The following ALOXE3 variants were observed in gnomAD, a reference collection of about 807,000 sequenced individuals.
ALOXE3 encodes hydroperoxide isomerase ALOXE3.
ALOXE3 carries 78 observed loss-of-function variants against 87.5 expected under a neutral mutation model. That is an observed-to-expected ratio of 0.89 (90% CI 0.74 to 1.08). ALOXE3 has a LOEUF of 1.08. ALOXE3 is among the 50% of genes least tolerant of loss of function. The probability of loss-of-function intolerance (pLI) is 0.00; values close to 1 mark genes in which losing one functional copy is unlikely to be tolerated. For missense variants in ALOXE3, 946 were observed against 912.4 expected (o/e 1.04, Z -0.47); for synonymous variants, 363 against 370.8 (o/e 0.98, Z 0.24).
Position 8,107,907 on chromosome 17 carries a change from A to AAGAAAGAAAG in ALOXE3, c.1684+551_1684+560dup. 2.8e-4 allele frequency among the ~76,000 whole-genome samples: 2 copies of AAGAAAGAAAG among 7,140 alleles called. 1 individual carries two copies. Among genetic ancestry groups the AAGAAAGAAAG allele is most frequent in the East Asian group, 1.3e-3 (2 of 1,522 alleles). 4.7% of individuals were successfully genotyped at this position (7,140 alleles called of 152,430 possible). ...AAAGAAAGAAAGAAAGAAAGAAAGA[A>AAGAAAGAAAG]AGAAAGAAAGAAAGAAAGAAAGAAA... On this transcript the variant is annotated intron_variant, in intron 13 of 15. Coordinates refer to ENST00000448843, the MANE Select transcript of ALOXE3 (RefSeq NM_021628.3).
intron 6 of ALOXE3, 89 bp downstream of exon 6, chr17:8,114,395 G>A: frequency 6.3e-7 from 1 of 1,577,572 alleles, no homozygotes; most frequent in Non-Finnish European, 8.7e-7. Context: ...GGGATACTGG[G>A]AATAGGGAGA....
intron 7 of ALOXE3, 65 bp from the exon 8 acceptor site, chr17:8,111,596 G>T (rs770143128): frequency 1.9e-5 from 30 of 1,558,618 alleles, no homozygotes; most frequent in Non-Finnish European, 2.7e-5. Flanking sequence ...GTCCTGCCAA[G>T]TCCTTTGCTT....
chr17:8,107,998 GGAAAGAAA>G (rs1222861475), intron 13 of ALOXE3, among the ~76,000 whole-genome samples: 884 of 6,526 alleles, frequency 0.14, 158 homozygotes, highest in Middle Eastern at 0.25. Flanking sequence ...AAGAAAGGAA[GGAAAGAAA>G]GAAAGAAAGA....
intron 11 of ALOXE3, 127 bp from the exon 12 acceptor site, chr17:8,109,470 A>AAATAC: frequency 7.6e-7 from 1 of 1,312,044 alleles, no homozygotes. Flanking sequence ...TCCACGGATC[A>AAATAC]AATACCCACG....
chr17:8,104,169 G>A lies in ALOXE3; in HGVS notation c.1731C>T (p.Leu577=), dbSNP rs1289692357. 1 of 1,614,044 alleles carries A rather than the reference G, an allele frequency of 6.2e-7. No individual in the cohort carries two copies. Among genetic ancestry groups the A allele is most frequent in the East Asian group, 2.2e-5 (1 of 44,878 alleles). Reference sequence around the variant, plus strand: ...CAGAGCAATTGAAGATGATTGCAGTGAGGAACTTCACCATCTCTCCTGGGG... The same window carrying A: ...CAGAGCAATTGAAGATGATTGCAGTAAGGAACTTCACCATCTCTCCTGGGG... ...LCTPGEMVKF[L]TAIIFNCSAQ... is the part of the protein sequence containing the mutation. Residue 577 remains leucine, a synonymous_variant, in exon 14 of 16, where the codon CTC becomes CTT. Transcript: ENST00000448843.
chr17:8,099,677 T>G (rs1021569664), intron 15 of ALOXE3, among the ~76,000 whole-genome samples: 1 of 148,204 alleles, frequency 6.7e-6, no homozygotes. Context: ...AAAAAAAAAG[T>G]AAAAAATCTT....
At position 8,108,453 on chromosome 17, in the gene ALOXE3, A is replaced by G. The variant is rs762047060; in HGVS notation, c.1684+15T>C. On this transcript the variant is annotated intron_variant, in intron 13 of 15. Transcript: ENST00000448843. ...TCATCAGAGCTACACGGAAAGTGGGATAGAGAGGGGATACCTGAGCTTTCC... is the reference window on the plus strand; with the variant it reads ...TCATCAGAGCTACACGGAAAGTGGGGTAGAGAGGGGATACCTGAGCTTTCC... 6.2e-7 allele frequency: 1 copy of G among 1,611,698 alleles called. No individual in the cohort carries two copies. Among genetic ancestry groups the G allele is most frequent in the East Asian group, 2.2e-5 (1 of 44,828 alleles).
intron 13 of ALOXE3, among the ~76,000 whole-genome samples, chr17:8,106,741 G>A (rs1216753525): frequency 1.3e-5 from 2 of 152,170 alleles, no homozygotes; most frequent in African/African-American, 4.8e-5. Context: ...CAGGAGAATC[G>A]CTTGAACCGG....
intron 4 of ALOXE3, 88 bp downstream of exon 4, chr17:8,115,519 T>G: frequency 7.2e-6 from 10 of 1,389,086 alleles, no homozygotes; most frequent in Non-Finnish European, 1.0e-5. Flanking sequence ...CACCCAAGGT[T>G]GAGAATGAGG....
intron 15 of ALOXE3, among the ~76,000 whole-genome samples, chr17:8,098,079 C>T (rs1266920563): frequency 3.9e-5 from 6 of 151,974 alleles, no homozygotes; most frequent in East Asian, 1.9e-4. Context: ...TTCTTTTTCT[C>T]GTTTTGTTGC....
At chr17:8,112,866 C>T (rs535300438) in intron 6 of ALOXE3, among the ~76,000 whole-genome samples, 3 of 152,196 alleles carry the variant, frequency 2.0e-5, no homozygotes, top group East Asian at 3.9e-4. Context: ...ACAATCATAG[C>T]TCACTGCAGC....
chr17:8,111,263 C>T, intron 8 of ALOXE3, 96 bp downstream of exon 8: 1 of 1,484,806 alleles, frequency 6.7e-7, no homozygotes, highest in Non-Finnish European at 9.3e-7. Context: ...AAATGCAGCC[C>T]AGGCCATTTC....
chr17:8,118,810 A>G, upstream of ALOXE3: 1 of 1,536,986 alleles, frequency 6.5e-7, no homozygotes, highest in Non-Finnish European at 8.7e-7. Flanking sequence ...CTGGGCCTGC[A>G]GGATCCTGGG....
rs1469620563 is a variant in ALOXE3, at chr17:8,107,915, A to G, written c.1684+553T>C. 3.1e-3 allele frequency among the ~76,000 whole-genome samples: 23 copies of G among 7,486 alleles called. 6 individuals are homozygous for G. The highest frequency in any genetic ancestry group is 0.022 in the Admixed American group (19 of 870). 4.9% of individuals were successfully genotyped at this position (7,486 alleles called of 152,430 possible). A position where few individuals can be genotyped will look rare whatever the true frequency, so the allele number is the denominator to read the frequency against. On this transcript the variant is annotated intron_variant, in intron 13 of 15. Coordinates refer to ENST00000448843, the MANE Select transcript of ALOXE3 (RefSeq NM_021628.3). ...AAAGAAAGAAAGAAAGAAAGAAAGAAAGAAAGAAAGAAAGAAAGAAAGAAA... is the reference window on the plus strand; with the variant it reads ...AAAGAAAGAAAGAAAGAAAGAAAGAGAGAAAGAAAGAAAGAAAGAAAGAAA...
rs1405825829 is a variant in ALOXE3, at chr17:8,118,308, G to T, written c.-313-5C>A. 1.3e-6 allele frequency: 2 copies of T among 1,551,656 alleles called. No individual in the cohort carries two copies. Among genetic ancestry groups the T allele is most frequent in the Non-Finnish European group, 1.7e-6 (2 of 1,147,020 alleles). On this transcript the variant is annotated splice_polypyrimidine_tract_variant and splice_region_variant and intron_variant, in intron 1 of 15. Coordinates refer to ENST00000448843, the MANE Select transcript of ALOXE3 (RefSeq NM_021628.3). ...ATATCAGGAGCCTGGGTTCCACTGC[G>T]GAGGGAGGGATCAGATGCTGAGATG...
rs777508683 is a variant in ALOXE3, at chr17:8,109,905, G to A, written c.1392+11C>T. ...GGGGCGGAGATCAGTGACCCGGCAG[G>A]GAGGCCGCACCTGGTCCACGAGGCC... On this transcript the variant is annotated intron_variant, in intron 11 of 15. Transcript: ENST00000448843. The A allele has an allele frequency of 6.5e-6, 10 of 1,548,570 alleles. No individual in the cohort carries two copies. The African/African-American group carries it at 1.4e-4, about 21-fold the overall frequency.
chr17:8,117,255 C>G (rs1980683779), intron 2 of ALOXE3, among the ~76,000 whole-genome samples: 1 of 152,180 alleles, frequency 6.6e-6, no homozygotes. Context: ...CGCTTCTCTA[C>G]TAAAAATACA....
At position 8,110,111 on chromosome 17, in the gene ALOXE3, A is replaced by T. The variant is rs1298677455; in HGVS notation, c.1286T>A (p.Leu429His). The change falls in exon 10 of 16, where the codon CTC becomes CAC. Residue 429 changes from leucine to histidine, a missense_variant. Transcript: ENST00000448843. ...GCGGACCTTGTAGATGGGGTGGCAG[A>T]GCGGCAGCTGGCGCAGCGTGGCCAT... ...FAMATLRQLPLCHPIYKLLLP... is the reference protein window; with the variant it reads ...FAMATLRQLPHCHPIYKLLLP... 1.3e-5 allele frequency: 21 copies of T among 1,612,854 alleles called. No individual in the cohort carries two copies. Among genetic ancestry groups the T allele is most frequent in the Non-Finnish European group, 1.6e-5 (19 of 1,179,606 alleles).
chr17:8,097,662 C>T (rs563865083), intron 15 of ALOXE3, among the ~76,000 whole-genome samples: 3 of 152,194 alleles, frequency 2.0e-5, no homozygotes, highest in Non-Finnish European at 2.9e-5. Flanking sequence ...CAGCTCATCA[C>T]GACAACGCAG....
Sources: gnomAD v4.1 joint callset for allele counts (sites outside exome capture counted in the v4.1 genomes callset) on GRCh38, gnomAD v4.1.1 for gene constraint, MANE v1.5 for transcripts, NCBI Gene and HGNC (gene_info 2026-07-23, HGNC 2026-07-21) for gene names.